CAMTA1: variants seen among roughly 807,000 people sequenced by gnomAD.
CAMTA1 encodes calmodulin binding transcription activator 1.
Under a neutral mutation model 170.9 loss-of-function variants are expected in CAMTA1, and 27 were observed. The observed-to-expected ratio is 0.16, with a 90% CI of 0.12 to 0.22. The LOEUF (loss-of-function observed/expected upper bound fraction) is 0.22, where lower values mean the gene tolerates loss of function less well. Ranked by LOEUF, CAMTA1 falls within the 10% of genes least tolerant of loss-of-function variation. The pLI is 1.00. For synonymous variants in CAMTA1, 833 were observed against 891.5 expected, an observed-to-expected ratio of 0.93 and a Z score of 1.17; for missense variants, 1,619 against 2,217.2, an observed-to-expected ratio of 0.73 and a Z score of 5.42.
chr1:7,248,554 C>T lies in CAMTA1; in HGVS notation c.303-937C>T, dbSNP rs915471730. On this transcript the variant is annotated intron_variant, in intron 4 of 22. Transcript: ENST00000303635. The surrounding 1 kb of genome is among the most constrained non-coding windows in gnomAD (Gnocchi z 4.0). ...TCCTTGACGTTGGATCTGCCCACAGCTACTGAAACTTTATTCTGAAAGTGG... is the reference window on the plus strand; with the variant it reads ...TCCTTGACGTTGGATCTGCCCACAGTTACTGAAACTTTATTCTGAAAGTGG... 7.9e-5 allele frequency among the ~76,000 whole-genome samples: 12 copies of T among 152,126 alleles called. No homozygotes were observed. Among genetic ancestry groups the T allele is most frequent in the African/African-American group, 2.9e-4 (12 of 41,424 alleles).
At chr1:7,517,844 G>A (rs535692997) in intron 6 of CAMTA1, among the ~76,000 whole-genome samples, 1 of 152,072 alleles carries the variant, frequency 6.6e-6, no homozygotes, top group Non-Finnish European at 1.5e-5. Context: ...TTTGAGCCAA[G>A]GTCCCTTAAA....
chr1:7,664,588 T>G lies in CAMTA1; in HGVS notation c.2041T>G (p.Phe681Val). The part of the protein sequence containing the change: ...SLHLMQFQAN[F>V]QAMTAEGEVT... ...CCACCTCATGCAGTTCCAGGCCAACTTCCAGGCCATGACGGCAGAAGGGGA... is the reference window on the plus strand; with the variant it reads ...CCACCTCATGCAGTTCCAGGCCAACGTCCAGGCCATGACGGCAGAAGGGGA... Residue 681 changes from phenylalanine (F) to valine (V), a missense_variant, in exon 9 of 23, where the codon TTC (phenylalanine) becomes GTC (valine). Coordinates refer to ENST00000303635, the MANE Select transcript of CAMTA1 (RefSeq NM_015215.4). The G allele has an allele frequency of 6.2e-7, 1 of 1,612,714 alleles. No homozygotes were observed. The highest frequency in any genetic ancestry group is 8.5e-7 in the Non-Finnish European group (1 of 1,179,726).
chr1:7,747,077 A>G (rs1286455107), intron 18 of CAMTA1, among the ~76,000 whole-genome samples: 4 of 152,260 alleles, frequency 2.6e-5, no homozygotes, highest in Non-Finnish European at 5.9e-5. Context: ...TAGTAAAATA[A>G]TGTTAGCCAA....
intron 3 of CAMTA1, among the ~76,000 whole-genome samples, chr1:7,009,030 G>A (rs1699413120): frequency 6.6e-6 from 1 of 152,214 alleles, no homozygotes; most frequent in Admixed American, 6.5e-5. Flanking sequence ...CGCCCCTCAC[G>A]GAGGGTCAGC....
chr1:7,192,814 G>A (rs1387733221), intron 4 of CAMTA1, among the ~76,000 whole-genome samples: 1 of 152,226 alleles, frequency 6.6e-6, no homozygotes, highest in Admixed American at 6.5e-5. Context: ...CAGGAGTGAG[G>A]AGTGAATGCA....
chr1:7,562,292 G>A lies in CAMTA1; in HGVS notation c.511-78108G>A, dbSNP rs574899732. Among the ~76,000 whole-genome samples, 2 of 152,330 alleles carry A rather than the reference G, an allele frequency of 1.3e-5. No individual in the cohort carries two copies. Among genetic ancestry groups the A allele is most frequent in the East Asian group, 3.9e-4 (2 of 5,174 alleles). ...GCATATTTGATGGTGTTTTGCCTTG[G>A]TTTGAATATGTAAAGGCACTAAGCT... On this transcript the variant is annotated intron_variant, in intron 6 of 22. Coordinates refer to ENST00000303635, the MANE Select transcript of CAMTA1 (RefSeq NM_015215.4). This position sits in a 1 kb window ranked among gnomAD's most constrained non-coding sequence, Gnocchi z 4.8.
chr1:7,493,432 C>CAA (rs1557808770), intron 6 of CAMTA1, among the ~76,000 whole-genome samples: 15 of 142,758 alleles, frequency 1.1e-4, no homozygotes, highest in East Asian at 8.1e-4. Flanking sequence ...CACACATGCA[C>CAA]ACACAAACAT....
chr1:7,480,160 CAT>C (rs1491187548), intron 6 of CAMTA1, among the ~76,000 whole-genome samples: 2 of 109,416 alleles, frequency 1.8e-5, no homozygotes, highest in East Asian at 2.6e-4. Flanking sequence ...CGTGTGGGTG[CAT>C]GTGTGTGTGC....
chr1:7,688,009 TCC>T (rs1363206261), intron 11 of CAMTA1, among the ~76,000 whole-genome samples: 2 of 139,686 alleles, frequency 1.4e-5, no homozygotes, highest in South Asian at 2.3e-4. Flanking sequence ...CTCTCATTAT[TCC>T]TTTTTTTTTT....
At chr1:6,848,425 A>G (rs1408302970) in intron 3 of CAMTA1, among the ~76,000 whole-genome samples, 1 of 152,256 alleles carries the variant, frequency 6.6e-6, no homozygotes, top group African/African-American at 2.4e-5. Flanking sequence ...TTGGGATTAC[A>G]GGCATAAGCT....
chr1:7,639,929 G>A (rs951764228), intron 6 of CAMTA1, among the ~76,000 whole-genome samples: 1 of 152,178 alleles, frequency 6.6e-6, no homozygotes, highest in Non-Finnish European at 1.5e-5. Context: ...TGTGTTGGGG[G>A]CATCCCGCAA....
At chr1:7,539,604 T>G (rs144653300) in intron 6 of CAMTA1, among the ~76,000 whole-genome samples, 18 of 152,356 alleles carry the variant, frequency 1.2e-4, no homozygotes, top group Non-Finnish European at 1.9e-4. Flanking sequence ...TGCAGCCTGA[T>G]TCCTCTGTTT....
At chr1:6,824,620 G>A (rs1009371018) in intron 2 of CAMTA1, among the ~76,000 whole-genome samples, 3 of 152,030 alleles carry the variant, frequency 2.0e-5, no homozygotes. Context: ...GCTTTTGAAA[G>A]GATAAATCTC....
chr1:7,221,686 A>G (rs1287039445), intron 4 of CAMTA1, among the ~76,000 whole-genome samples: 1 of 152,164 alleles, frequency 6.6e-6, no homozygotes, highest in Non-Finnish European at 1.5e-5. Flanking sequence ...TTACAGTCTC[A>G]GCCCTGCTTC....
intron 2 of CAMTA1, among the ~76,000 whole-genome samples, chr1:6,821,004 T>C (rs1412574075): frequency 6.6e-6 from 1 of 152,156 alleles, no homozygotes; most frequent in Non-Finnish European, 1.5e-5. Flanking sequence ...GAACCTGAGT[T>C]ATGATTTGAC....
chr1:7,720,140 A>G (rs1431838810), intron 11 of CAMTA1, among the ~76,000 whole-genome samples: 2 of 152,222 alleles, frequency 1.3e-5, no homozygotes, highest in African/African-American at 4.8e-5. Flanking sequence ...ATGTGCAGGC[A>G]TTCATATTCA....
intron 3 of CAMTA1, among the ~76,000 whole-genome samples, chr1:7,083,907 A>G (rs996503449): frequency 1.3e-5 from 2 of 151,842 alleles, no homozygotes; most frequent in Admixed American, 1.3e-4. Context: ...GAGTAATATA[A>G]TTGCATTTTG....
intron 4 of CAMTA1, among the ~76,000 whole-genome samples, chr1:7,211,501 A>G (rs572726045): frequency 6.6e-6 from 1 of 152,360 alleles, no homozygotes; most frequent in East Asian, 1.9e-4. Flanking sequence ...AACATGTGCA[A>G]TATACATTCT....
At chr1:6,891,297 A>G (rs1299941499) in intron 3 of CAMTA1, among the ~76,000 whole-genome samples, 2 of 152,154 alleles carry the variant, frequency 1.3e-5, no homozygotes, top group South Asian at 2.1e-4. Flanking sequence ...ATGAGTTTTC[A>G]TATATATAAT....
Sources: allele counts gnomAD v4.1 joint callset (sites outside exome capture counted in the v4.1 genomes callset), GRCh38; gene constraint gnomAD v4.1.1; non-coding constraint Gnocchi (gnomAD v3.1); transcripts MANE v1.5; gene names NCBI Gene and HGNC (gene_info 2026-07-23, HGNC 2026-07-21).